The following TUSC3 variants were observed in gnomAD, a reference collection of about 807,000 sequenced individuals.
TUSC3 encodes the protein tumor suppressor candidate 3, also known as dolichyl-diphosphooligosaccharide--protein glycosyltransferase subunit TUSC3.
In TUSC3, 45 loss-of-function variants were observed where a neutral mutation model predicts 44.8. The observed-to-expected ratio is 1.00, with a 90% CI of 0.79 to 1.29. The LOEUF is 1.29. Ranked by LOEUF, TUSC3 falls within the 50% of genes most tolerant of loss-of-function variation. The pLI is 0.00. For missense variants in TUSC3, 519 were observed against 437.9 expected, an observed-to-expected ratio of 1.19 and a Z score of -1.65; for synonymous variants, 212 against 152.9, an observed-to-expected ratio of 1.39 and a Z score of -2.85.
chr8:15,617,249 C>T (rs1478998283), intron 1 of TUSC3, among the ~76,000 whole-genome samples: 1 of 151,102 alleles, frequency 6.6e-6, no homozygotes, highest in Non-Finnish European at 1.5e-5. Flanking sequence ...AAGTGATTCT[C>T]CTGCTTCAGC....
intron 1 of TUSC3, among the ~76,000 whole-genome samples, chr8:15,444,046 C>G (rs73191171): frequency 6.6e-6 from 1 of 152,128 alleles, no homozygotes; most frequent in Non-Finnish European, 1.5e-5. Flanking sequence ...ACCCTGGTCT[C>G]CCACAGAACC....
chr8:15,472,632 C>T (rs1297692020), intron 1 of TUSC3, among the ~76,000 whole-genome samples: 1 of 152,088 alleles, frequency 6.6e-6, no homozygotes, highest in Non-Finnish European at 1.5e-5. Flanking sequence ...GCTCATTTCA[C>T]TATGTTGAGG....
At chr8:15,593,924 C>G (rs1436037360) in intron 1 of TUSC3, among the ~76,000 whole-genome samples, 1 of 152,104 alleles carries the variant, frequency 6.6e-6, no homozygotes, top group Non-Finnish European at 1.5e-5. Flanking sequence ...TTAATCTACT[C>G]TATAAAGTTT....
chr8:15,826,516 G>C, the TUSC3 span, among the ~76,000 whole-genome samples: 1 of 152,132 alleles, frequency 6.6e-6, no homozygotes, highest in Non-Finnish European at 1.5e-5. Flanking sequence ...CTATATAGGG[G>C]AGCTGTGTTT....
intron 2 of TUSC3, among the ~76,000 whole-genome samples, chr8:15,497,992 G>A (rs138959290): frequency 5.7e-4 from 87 of 152,034 alleles, no homozygotes; most frequent in Non-Finnish European, 9.6e-4. Context: ...AAAATGATCC[G>A]CCCCCCTTCG....
intron 1 of TUSC3, among the ~76,000 whole-genome samples, chr8:15,419,133 G>A (rs1799693910): frequency 6.6e-6 from 1 of 152,132 alleles, no homozygotes; most frequent in Non-Finnish European, 1.5e-5. Flanking sequence ...GTGTAAAGAA[G>A]TCCATTTTGT....
intron 1 of TUSC3, among the ~76,000 whole-genome samples, chr8:15,434,530 C>CTTTT (rs59579003): frequency 0.012 from 1,695 of 135,634 alleles, 42 homozygotes; most frequent in African/African-American, 0.041. Context: ...AAAGCCATTC[C>CTTTT]TTTTTTTTTT....
chr8:15,587,249 T>G (rs1803639994), intron 1 of TUSC3, among the ~76,000 whole-genome samples: 1 of 152,180 alleles, frequency 6.6e-6, no homozygotes, highest in Non-Finnish European at 1.5e-5. Flanking sequence ...TACACTGCTC[T>G]CCCTGTATCC....
rs1405376167 is a variant in TUSC3 at position 15,420,877 on chromosome 8, A to T, written n.91+3572A>T. Among the ~76,000 whole-genome samples, 4 of 152,058 alleles carry T rather than the reference A, an allele frequency of 2.6e-5. No homozygotes were observed. The East Asian group carries it at 7.8e-4, about 29-fold the overall frequency. On this transcript the variant is annotated intron_variant and non_coding_transcript_variant, in intron 1 of 5. Transcript: ENST00000503191. ...TGATTCGCTTCTCCCTAGACTCCTA[A>T]CTTTAAAGTGACCTGTCTCAGTCTT...
the TUSC3 span, among the ~76,000 whole-genome samples, chr8:15,819,449 T>A: frequency 2.0e-5 from 3 of 152,184 alleles, no homozygotes; most frequent in African/African-American, 4.8e-5. Flanking sequence ...TCTATGCAGA[T>A]CATTCCTAAT....
intron 6 of TUSC3, among the ~76,000 whole-genome samples, chr8:15,703,834 C>G (rs1032499179): frequency 6.6e-6 from 1 of 152,106 alleles, no homozygotes; most frequent in African/African-American, 2.4e-5. Context: ...GATCACATTT[C>G]AACATGAGAT....
chr8:15,424,314 C>A (rs1799778168), intron 1 of TUSC3, among the ~76,000 whole-genome samples: 1 of 151,964 alleles, frequency 6.6e-6, no homozygotes, highest in African/African-American at 2.4e-5. Flanking sequence ...GTATCACCGC[C>A]CCTCAGCAAC....
chr8:15,521,815 T>C (rs1002048554), intron 2 of TUSC3, among the ~76,000 whole-genome samples: 42 of 152,326 alleles, frequency 2.8e-4, no homozygotes, highest in African/African-American at 9.6e-4. Flanking sequence ...CTTTTCACTA[T>C]TGGTCAAGGG....
chr8:15,500,400 T>C (rs1213126201), intron 2 of TUSC3, among the ~76,000 whole-genome samples: 11 of 152,224 alleles, frequency 7.2e-5, no homozygotes, highest in Admixed American at 7.2e-4. Context: ...TTTCCCTCTA[T>C]AGTCATCACA....
At chr8:15,638,522 T>C (rs979992651) in intron 2 of TUSC3, among the ~76,000 whole-genome samples, 31 of 129,052 alleles carry the variant, frequency 2.4e-4, no homozygotes, top group East Asian at 1.1e-3. Flanking sequence ...TTTCTTTTTT[T>C]TTTTTTTTTT....
At chr8:15,644,232 C>A (rs1287937412) in intron 2 of TUSC3, among the ~76,000 whole-genome samples, 1 of 152,152 alleles carries the variant, frequency 6.6e-6, no homozygotes, top group African/African-American at 2.4e-5. Context: ...TTTAACAGAA[C>A]AGTGCCCTGC....
Position 15,593,968 on chromosome 8 carries a change from C to A in TUSC3, c.139-29112C>A, listed in dbSNP as rs138128960. Among the ~76,000 whole-genome samples, 397 of 152,268 alleles carry A rather than the reference C, an allele frequency of 2.6e-3. 1 individual carries two copies. The highest frequency in any genetic ancestry group is 8.4e-3 in the African/African-American group (349 of 41,560). ...CATTAAAATCACTCTATGTCCCTGT[C>A]ACTCTTTCTGCATAACTAACTTTGG... On this transcript the variant is annotated intron_variant, in intron 1 of 10. Coordinates refer to ENST00000503731, the MANE Select transcript of TUSC3 (RefSeq NM_006765.4).
intron 1 of TUSC3, among the ~76,000 whole-genome samples, chr8:15,465,987 A>C (rs189470888): frequency 9.6e-4 from 146 of 152,342 alleles, no homozygotes; most frequent in African/African-American, 3.3e-3. Flanking sequence ...CTCAAATTCA[A>C]ATGTTAAAAC....
At chr8:15,641,254 G>A (rs1404406955) in intron 2 of TUSC3, among the ~76,000 whole-genome samples, 1 of 151,940 alleles carries the variant, frequency 6.6e-6, no homozygotes, top group African/African-American at 2.4e-5. Flanking sequence ...CCACCTACTC[G>A]GGAGGCTGAG....
Sources: allele counts gnomAD v4.1 joint callset (sites outside exome capture counted in the v4.1 genomes callset), GRCh38; gene constraint gnomAD v4.1.1; transcripts MANE v1.5; gene names NCBI Gene and HGNC (gene_info 2026-07-23, HGNC 2026-07-21).